LRRTM4: variants seen among roughly 807,000 people sequenced by gnomAD.
The protein encoded by LRRTM4 is leucine rich repeat transmembrane neuronal 4.
A neutral mutation model predicts 47.6 loss-of-function variants in LRRTM4; 25 were observed. The observed-to-expected ratio is 0.53, with a 90% CI of 0.38 to 0.73. LRRTM4 has a LOEUF of 0.73. LRRTM4 is among the 30% of genes least tolerant of loss of function. LRRTM4 has a pLI of 0.00. For missense variants in LRRTM4, 638 were observed against 713.4 expected (o/e 0.89, Z 1.20); for synonymous variants, 311 against 269.5 (o/e 1.15, Z -1.51).
At chr2:76,937,240 A>G (rs1057319144) in intron 3 of LRRTM4, among the ~76,000 whole-genome samples, 2 of 152,148 alleles carry the variant, frequency 1.3e-5, no homozygotes, top group Non-Finnish European at 2.9e-5. Context: ...AGCCATAAGT[A>G]GGAGGCATAT....
chr2:77,388,498 A>AT (rs541254429), intron 3 of LRRTM4, among the ~76,000 whole-genome samples: 3 of 152,022 alleles, frequency 2.0e-5, no homozygotes, highest in Non-Finnish European at 2.9e-5. Flanking sequence ...CCATTAAACT[A>AT]TTTTTTTCCA....
At chr2:76,995,319 C>T (rs74493687) in intron 3 of LRRTM4, among the ~76,000 whole-genome samples, 90 of 152,102 alleles carry the variant, frequency 5.9e-4, no homozygotes, top group Non-Finnish European at 9.9e-4. Flanking sequence ...AATATGGATG[C>T]ACAATGTTTA....
chr2:77,165,175 C>T (rs1299554504), intron 3 of LRRTM4, among the ~76,000 whole-genome samples: 1 of 152,122 alleles, frequency 6.6e-6, no homozygotes, highest in Non-Finnish European at 1.5e-5. Flanking sequence ...TCAGAGAATA[C>T]TATAAACATC....
At chr2:76,855,722 A>G (rs1247305352) in intron 3 of LRRTM4, among the ~76,000 whole-genome samples, 1 of 152,194 alleles carries the variant, frequency 6.6e-6, no homozygotes, top group Middle Eastern at 3.2e-3. Context: ...ATTAATTTAC[A>G]GGAAGAGAAA....
At chr2:76,905,249 T>C (rs1055983820) in intron 3 of LRRTM4, among the ~76,000 whole-genome samples, 6 of 152,034 alleles carry the variant, frequency 3.9e-5, no homozygotes, top group Admixed American at 3.9e-4. Context: ...AGGTCTGGAG[T>C]GGACCTCTAG....
intron 3 of LRRTM4, among the ~76,000 whole-genome samples, chr2:76,844,565 ACTC>A (rs1190311170): frequency 1.3e-5 from 2 of 152,012 alleles, no homozygotes; most frequent in African/African-American, 4.8e-5. Context: ...TTTTTTTACT[ACTC>A]TATAATGTAG....
Position 77,518,483 on chromosome 2 carries a change from A to T in LRRTM4, c.1386T>A (p.Leu462=). The stretch of plus-strand genomic sequence containing the variant: ...TGGCCTTTTTCCGCCGCCTCTTCAT[A>T]AGAGAGTGTTGCTGGAGTTGTTTCA... ...ASMKQLQQHS[L]MKRRRKKARE... The change falls in exon 3 of 4, where the codon CTT becomes CTA. Residue 462 remains leucine (L), a synonymous_variant. Transcript: ENST00000409884. The T allele has an allele frequency of 6.2e-7, 1 of 1,613,432 alleles. No individual in the cohort carries two copies.
At chr2:76,846,271 C>T (rs980519948) in intron 3 of LRRTM4, among the ~76,000 whole-genome samples, 1 of 152,104 alleles carries the variant, frequency 6.6e-6, no homozygotes, top group African/African-American at 2.4e-5. Context: ...CCAAGGGCTG[C>T]CCTGCACTTG....
intron 3 of LRRTM4, among the ~76,000 whole-genome samples, chr2:77,134,473 T>C (rs187696339): frequency 6.6e-6 from 1 of 152,314 alleles, no homozygotes; most frequent in East Asian, 1.9e-4. Context: ...TGGAGATAAT[T>C]ATTTTAAAAA....
intron 3 of LRRTM4, among the ~76,000 whole-genome samples, chr2:76,811,455 A>G (rs927479500): frequency 1.3e-5 from 2 of 152,164 alleles, no homozygotes; most frequent in Non-Finnish European, 1.5e-5. Context: ...GAGGAAATCA[A>G]GCTGTCTGAG....
chr2:77,136,792 G>T (rs993019506), intron 3 of LRRTM4, among the ~76,000 whole-genome samples: 4 of 151,968 alleles, frequency 2.6e-5, no homozygotes, highest in Middle Eastern at 3.4e-3. Flanking sequence ...TGACCTGAGG[G>T]AGCTGAAAAC....
intron 3 of LRRTM4, among the ~76,000 whole-genome samples, chr2:76,929,983 C>A (rs1405838808): frequency 6.7e-6 from 1 of 150,096 alleles, no homozygotes; most frequent in Admixed American, 6.7e-5. Flanking sequence ...TTATAGAATA[C>A]TTTCTTAGAG....
chr2:77,409,605 CTT>C (rs1020870904), intron 3 of LRRTM4, among the ~76,000 whole-genome samples: 1 of 152,088 alleles, frequency 6.6e-6, no homozygotes, highest in Non-Finnish European at 1.5e-5. Flanking sequence ...CACTTTAAGA[CTT>C]TTTTTCTTTT....
At chr2:76,958,730 T>C (rs13025838) in intron 3 of LRRTM4, among the ~76,000 whole-genome samples, 40,193 of 151,580 alleles carry the variant, frequency 0.27, 7,179 homozygotes, top group African/African-American at 0.51. Context: ...GGTATCCTAC[T>C]AAACTGATAC....
chr2:76,919,387 A>T (rs764816212), intron 3 of LRRTM4, among the ~76,000 whole-genome samples: 6 of 152,184 alleles, frequency 3.9e-5, no homozygotes, highest in Admixed American at 6.5e-5. Context: ...AAGAAAAATG[A>T]GGCAGAATAT....
chr2:77,399,822 TG>T (rs1673868955), intron 3 of LRRTM4, among the ~76,000 whole-genome samples: 1 of 151,892 alleles, frequency 6.6e-6, no homozygotes, highest in Non-Finnish European at 1.5e-5. Context: ...AAAGGGAAAT[TG>T]GAAAAGATGT....
chr2:76,873,506 G>GTGTATATATATATATATATATATA (rs367573475), intron 3 of LRRTM4, among the ~76,000 whole-genome samples: 9 of 112,314 alleles, frequency 8.0e-5, no homozygotes, highest in East Asian at 7.6e-4. Flanking sequence ...ATATATGTGT[G>GTGTATATATATATATATATATATA]TATATATATA....
intron 3 of LRRTM4, among the ~76,000 whole-genome samples, chr2:76,902,307 C>CT (rs1558725502): frequency 6.6e-6 from 1 of 152,090 alleles, no homozygotes; most frequent in African/African-American, 2.4e-5. Flanking sequence ...GTGTTTTTCC[C>CT]TTTTTTATCT....
intron 3 of LRRTM4, among the ~76,000 whole-genome samples, chr2:76,962,207 A>T (rs958766736): frequency 1.3e-5 from 2 of 151,324 alleles, no homozygotes; most frequent in East Asian, 1.9e-4. Context: ...CTACTTAAGT[A>T]ATTTGAAAGA....
Sources: gnomAD v4.1 joint callset for allele counts (sites outside exome capture counted in the v4.1 genomes callset) on GRCh38, gnomAD v4.1.1 for gene constraint, MANE v1.5 for transcripts, NCBI Gene and HGNC (gene_info 2026-07-23, HGNC 2026-07-21) for gene names.